The following ARHGAP25 variants were observed in gnomAD, a reference collection of about 807,000 sequenced individuals.
ARHGAP25 encodes the protein Rho GTPase activating protein 25.
In ARHGAP25, 34 loss-of-function variants were observed where a neutral mutation model predicts 71.0. The ratio of observed to expected loss-of-function variants is 0.48; its 90% CI spans 0.36 to 0.64. The LOEUF is 0.64. ARHGAP25 is among the 30% of genes least tolerant of loss of function. The pLI is 0.00. For missense variants in ARHGAP25, 706 were observed against 805.1 expected, an observed-to-expected ratio of 0.88 and a Z score of 1.49; for synonymous variants, 282 against 296.5, an observed-to-expected ratio of 0.95 and a Z score of 0.50.
In ARHGAP25 at chr2:68,791,224, T is replaced by G. The variant is rs113436505; in HGVS notation, c.466+3268T>G. Among the ~76,000 whole-genome samples, 351 of 152,360 alleles carry G rather than the reference T, an allele frequency of 2.3e-3. 2 individuals carry two copies. The highest frequency in any genetic ancestry group is 8.2e-3 in the African/African-American group (339 of 41,580). The stretch of plus-strand genomic sequence containing the variant: ...CATGCTAAATATTTCACTCATTTGT[T>G]TTGTTCCTAGCTAGACTCCCCTCAC... On this transcript the variant is annotated intron_variant, in intron 4 of 10. Coordinates refer to ENST00000409202, the MANE Select transcript of ARHGAP25 (RefSeq NM_001007231.3).
intron 10 of ARHGAP25, among the ~76,000 whole-genome samples, chr2:68,825,082 G>A (rs1220555139): frequency 1.3e-5 from 2 of 152,214 alleles, no homozygotes. Context: ...GGCCAGTAAC[G>A]ATTAAAATCC....
rs13431695 is a variant in ARHGAP25 at position 68,797,040 on chromosome 2, G to C, written c.466+9084G>C. The stretch of plus-strand genomic sequence containing the variant: ...GGGGGTAGCATGGAGATTTATGCCC[G>C]ACCTCTGTTCCCCAGAAGAGGTATT... On this transcript the variant is annotated intron_variant, in intron 4 of 10. Coordinates refer to ENST00000409202, the MANE Select transcript of ARHGAP25 (RefSeq NM_001007231.3). 2.7e-3 allele frequency among the ~76,000 whole-genome samples: 414 copies of C among 152,256 alleles called. 2 individuals are homozygous for C. Among genetic ancestry groups the C allele is most frequent in the African/African-American group, 9.4e-3 (389 of 41,562 alleles).
intron 4 of ARHGAP25, among the ~76,000 whole-genome samples, chr2:68,798,962 A>G (rs1389371411): frequency 1.3e-5 from 2 of 152,202 alleles, no homozygotes; most frequent in African/African-American, 4.8e-5. Flanking sequence ...TTCTATTTAA[A>G]AGATCATTCT....
chr2:68,773,849 T>A (rs1473379201), intron 1 of ARHGAP25, among the ~76,000 whole-genome samples: 4 of 152,198 alleles, frequency 2.6e-5, no homozygotes, highest in Non-Finnish European at 5.9e-5. Context: ...TATACTTACC[T>A]TTGACCAGGG....
intron 1 of ARHGAP25, among the ~76,000 whole-genome samples, chr2:68,749,728 T>A (rs1676046054): frequency 6.6e-6 from 1 of 152,158 alleles, no homozygotes; most frequent in South Asian, 2.1e-4. Context: ...CAGGTTCCAC[T>A]CCAGAGACAT....
intron 2 of ARHGAP25, among the ~76,000 whole-genome samples, chr2:68,726,502 C>T (rs1339751761): frequency 6.6e-6 from 1 of 152,222 alleles, no homozygotes; most frequent in Non-Finnish European, 1.5e-5. Context: ...ATAGACATTT[C>T]CCTTCCTGAG....
intron 1 of ARHGAP25, among the ~76,000 whole-genome samples, chr2:68,757,250 T>A (rs1412898400): frequency 6.6e-6 from 1 of 152,052 alleles, no homozygotes; most frequent in East Asian, 1.9e-4. Flanking sequence ...AGAGAGAATA[T>A]TTGAAGAAAT....
chr2:68,806,829 G>C (rs1359171941), intron 4 of ARHGAP25, among the ~76,000 whole-genome samples: 1 of 152,176 alleles, frequency 6.6e-6, no homozygotes, highest in Non-Finnish European at 1.5e-5. Context: ...TGCTGCCGTG[G>C]TTAAGGCATA....
upstream of ARHGAP25, among the ~76,000 whole-genome samples, chr2:68,730,890 G>C (rs10175092): frequency 0.18 from 27,238 of 151,996 alleles, 3,264 homozygotes; most frequent in African/African-American, 0.34. Context: ...CCTGACTATT[G>C]TCTCATGGGT....
At chr2:68,775,619 G>A in intron 2 of ARHGAP25, 199 bp downstream of exon 2, 1 of 856,538 alleles carries the variant, frequency 1.2e-6, no homozygotes, top group Non-Finnish European at 1.9e-6. Flanking sequence ...CCTCCAGGAA[G>A]CACCAGGACG....
intron 1 of ARHGAP25, among the ~76,000 whole-genome samples, chr2:68,761,541 A>C (rs373869115): frequency 1.0e-3 from 146 of 145,760 alleles, no homozygotes; most frequent in South Asian, 9.1e-3. Flanking sequence ...ACAAAAAAAA[A>C]CCCCACAAAC....
intron 2 of ARHGAP25, among the ~76,000 whole-genome samples, chr2:68,724,853 G>A (rs546062382): frequency 4.6e-5 from 7 of 152,278 alleles, no homozygotes; most frequent in Admixed American, 6.5e-5. Context: ...TGTCACGCCT[G>A]TCATCCAACC....
chr2:68,716,122 A>G (rs1674603769), intron 2 of ARHGAP25, among the ~76,000 whole-genome samples: 1 of 152,210 alleles, frequency 6.6e-6, no homozygotes, highest in Non-Finnish European at 1.5e-5. Flanking sequence ...GAAGTTAATG[A>G]AAATCCTTGG....
At chr2:68,732,209 G>T (rs1379553417), upstream of ARHGAP25, among the ~76,000 whole-genome samples, 2 of 152,210 alleles carry the variant, frequency 1.3e-5, no homozygotes, top group Non-Finnish European at 2.9e-5. Context: ...GGGCCCTTGT[G>T]GGGAGTGTGC....
At chr2:68,728,455 C>T (rs1674932889) in intron 2 of ARHGAP25, among the ~76,000 whole-genome samples, 1 of 152,014 alleles carries the variant, frequency 6.6e-6, no homozygotes, top group South Asian at 2.1e-4. Flanking sequence ...CATAAAGTCA[C>T]CATATAACCC....
chr2:68,765,382 G>A (rs1254929650), intron 1 of ARHGAP25, among the ~76,000 whole-genome samples: 2 of 147,774 alleles, frequency 1.4e-5, no homozygotes, highest in African/African-American at 4.9e-5. Flanking sequence ...AACCCAACAA[G>A]CCTATTGAAT....
In ARHGAP25 at chr2:68,735,029, A is replaced by G; in HGVS notation, c.-171A>G. 1 of 653,378 alleles carries G rather than the reference A, an allele frequency of 1.5e-6. No homozygotes were observed. The highest frequency in any genetic ancestry group is 2.8e-6 in the Non-Finnish European group (1 of 363,394). The allele number at this position is 653,378 out of a possible 1,614,324, so 40.5% of individuals were successfully genotyped here. A position where few individuals can be genotyped will look rare whatever the true frequency, so the allele number is the denominator to read the frequency against. On this transcript the variant is annotated 5_prime_UTR_variant, in exon 1 of 11. Transcript: ENST00000409202. ...TGGATGGACCTTTCATCTAAGAGAA[A>G]GGAGGAGACACGTTGGCAAATCAGC...
chr2:68,799,033 CAGATATGA>C (rs1432738511), intron 4 of ARHGAP25, among the ~76,000 whole-genome samples: 1 of 152,206 alleles, frequency 6.6e-6, no homozygotes, highest in East Asian at 1.9e-4. Context: ...AGCAGGAGAC[CAGATATGA>C]AACTCAAGCC....
intron 2 of ARHGAP25, among the ~76,000 whole-genome samples, chr2:68,716,508 G>C (rs1257082875): frequency 6.6e-6 from 1 of 152,182 alleles, no homozygotes; most frequent in African/African-American, 2.4e-5. Flanking sequence ...GGCTCTCAGA[G>C]CTCCTGAGTT....
Sources: gnomAD v4.1 joint callset for allele counts (sites outside exome capture counted in the v4.1 genomes callset) on GRCh38, gnomAD v4.1.1 for gene constraint, MANE v1.5 for transcripts, NCBI Gene and HGNC (gene_info 2026-07-23, HGNC 2026-07-21) for gene names.